Variants in HERC4 observed in about 807,000 individuals in gnomAD.
HERC4 encodes HECT and RLD domain containing E3 ubiquitin protein ligase 4.
In HERC4, 28 loss-of-function variants were observed where a neutral mutation model predicts 124.3. That is an observed-to-expected ratio of 0.23 (90% CI 0.17 to 0.31). The LOEUF is 0.31. Among genes scored for constraint, HERC4 ranks in the 10% least tolerant of loss-of-function variants. The probability of loss-of-function intolerance (pLI) is 1.00; values close to 1 mark genes in which losing one functional copy is unlikely to be tolerated. For missense variants in HERC4, 713 were observed against 1,229.3 expected (o/e 0.58, Z 6.28); for synonymous variants, 407 against 421.5 (o/e 0.97, Z 0.42).
chr10:68,019,905 T>C (rs2038505655), intron 8 of HERC4, among the ~76,000 whole-genome samples: 1 of 152,218 alleles, frequency 6.6e-6, no homozygotes, highest in African/African-American at 2.4e-5. Context: ...TACTCTCCCA[T>C]TCTGGCTAAA....
chr10:67,951,960 CCTGT>C (rs757774575), intron 19 of HERC4, among the ~76,000 whole-genome samples: 1 of 152,162 alleles, frequency 6.6e-6, no homozygotes, highest in Non-Finnish European at 1.5e-5. Flanking sequence ...AGTTTCTGGA[CCTGT>C]CTGTTTCCAA....
At chr10:67,981,785 C>G (rs1357089526) in intron 15 of HERC4, among the ~76,000 whole-genome samples, 1 of 152,020 alleles carries the variant, frequency 6.6e-6, no homozygotes, top group Non-Finnish European at 1.5e-5. Flanking sequence ...TGACGAAACC[C>G]CATCTCTACT....
intron 8 of HERC4, among the ~76,000 whole-genome samples, chr10:68,017,905 G>T (rs1053768794): frequency 2.6e-5 from 4 of 152,158 alleles, no homozygotes; most frequent in African/African-American, 4.8e-5. Flanking sequence ...AGAAATTGAA[G>T]AATGTTTTTT....
chr10:68,045,950 C>G (rs1160143777), intron 3 of HERC4, among the ~76,000 whole-genome samples: 1 of 152,032 alleles, frequency 6.6e-6, no homozygotes, highest in Non-Finnish European at 1.5e-5. Context: ...GAGGTTAGCC[C>G]TATATAGCCT....
intron 10 of HERC4, 44 bp from the exon 11 acceptor site, chr10:67,992,367 T>C: frequency 6.3e-7 from 1 of 1,589,286 alleles, no homozygotes; most frequent in Non-Finnish European, 8.6e-7. Flanking sequence ...AGATATTATA[T>C]ATAACTCAAA....
chr10:68,017,454 C>A (rs534448755), intron 8 of HERC4, among the ~76,000 whole-genome samples: 9 of 152,246 alleles, frequency 5.9e-5, no homozygotes, highest in South Asian at 2.1e-4. Flanking sequence ...GAGACCAATA[C>A]AGACATTATA....
intron 3 of HERC4, among the ~76,000 whole-genome samples, chr10:68,059,486 T>TATC (rs2040738329): frequency 9.6e-6 from 1 of 104,468 alleles, no homozygotes; most frequent in South Asian, 2.7e-4. Flanking sequence ...TAATATTATA[T>TATC]ATTATAACAT....
intron 3 of HERC4, among the ~76,000 whole-genome samples, chr10:68,062,963 T>C (rs1223069089): frequency 6.6e-6 from 1 of 152,168 alleles, no homozygotes; most frequent in African/African-American, 2.4e-5. Context: ...CTAACCTTCC[T>C]GCTCACTATT....
Position 67,939,573 on chromosome 10 carries a change from G to C in HERC4, c.2571+15C>G, listed in dbSNP as rs1402761015. ...ATGATAAATAATCAGGCTAACCTATGTCCTTCCATCTTACCGTAAAATTAA... is the reference window on the plus strand; with the variant it reads ...ATGATAAATAATCAGGCTAACCTATCTCCTTCCATCTTACCGTAAAATTAA... On this transcript the variant is annotated intron_variant, in intron 21 of 24. Transcript: ENST00000373700. 6.4e-7 allele frequency: 1 copy of C among 1,554,276 alleles called. No individual in the cohort carries two copies. Among genetic ancestry groups the C allele is most frequent in the Non-Finnish European group, 8.8e-7 (1 of 1,133,404 alleles).
intron 3 of HERC4, among the ~76,000 whole-genome samples, chr10:68,058,465 A>G (rs2040665718): frequency 6.6e-6 from 1 of 152,232 alleles, no homozygotes; most frequent in Non-Finnish European, 1.5e-5. Context: ...ATGAAACAGC[A>G]TAATACCACA....
At chr10:67,992,012 C>T (rs906976924) in intron 11 of HERC4, among the ~76,000 whole-genome samples, 187 bp downstream of exon 11, 1 of 152,148 alleles carries the variant, frequency 6.6e-6, no homozygotes, top group African/African-American at 2.4e-5. Flanking sequence ...GATCCTCCCA[C>T]CTCAGCCTCC....
chr10:67,971,059 A>T (rs1369781123), intron 15 of HERC4, among the ~76,000 whole-genome samples: 1 of 152,128 alleles, frequency 6.6e-6, no homozygotes, highest in Non-Finnish European at 1.5e-5. Context: ...AAGAAGAAAC[A>T]TGATTACATA....
At chr10:67,964,697 T>C (rs748280124) in intron 16 of HERC4, 4 of 152,226 alleles carry the variant, frequency 2.6e-5, no homozygotes, top group Non-Finnish European at 5.9e-5. Flanking sequence ...CTAAACTCTC[T>C]ATGATCTGGC....
intron 4 of HERC4, among the ~76,000 whole-genome samples, chr10:68,043,168 G>A (rs543790852): frequency 5.3e-4 from 81 of 152,152 alleles, no homozygotes; most frequent in African/African-American, 1.9e-3. Context: ...CCTTAAAAGT[G>A]AACAGCAACA....
chr10:68,070,437 T>C (rs2041512995), intron 3 of HERC4: 1 of 195,228 alleles, frequency 5.1e-6, no homozygotes, highest in Non-Finnish European at 9.5e-6. Context: ...TAAAACCCCA[T>C]CTCCATTAAA....
At chr10:68,010,965 A>AT in intron 9 of HERC4, 1 of 918,998 alleles carries the variant, frequency 1.1e-6, no homozygotes, top group East Asian at 2.6e-5. Flanking sequence ...TATTTCCACC[A>AT]TATCTATAGT....
intron 3 of HERC4, among the ~76,000 whole-genome samples, chr10:68,055,783 G>A (rs1209837934): frequency 6.9e-6 from 1 of 145,670 alleles, no homozygotes. Context: ...ACAGAGTCTC[G>A]CTCTGTAACC....
chr10:67,952,911 A>C (rs892614382), intron 19 of HERC4, among the ~76,000 whole-genome samples: 2 of 131,172 alleles, frequency 1.5e-5, no homozygotes, highest in South Asian at 2.3e-4. Flanking sequence ...AAAAAAAAGA[A>C]AAAAAAAAAG....
intron 7 of HERC4, 21 bp downstream of exon 7, chr10:68,032,757 G>C (rs2039273702): frequency 8.3e-7 from 1 of 1,200,432 alleles, no homozygotes; most frequent in Non-Finnish European, 1.2e-6. Context: ...TAATAATAAA[G>C]AAGTTTTAGA....
Sources: allele counts gnomAD v4.1 joint callset (sites outside exome capture counted in the v4.1 genomes callset), GRCh38; gene constraint gnomAD v4.1.1; transcripts MANE v1.5; gene names NCBI Gene and HGNC (gene_info 2026-07-23, HGNC 2026-07-21).